THAP1: variants seen among roughly 807,000 people sequenced by gnomAD.
THAP1 encodes the protein THAP domain-containing protein 1.
Under a neutral mutation model 18.2 loss-of-function variants are expected in THAP1, and 6 were observed. The ratio of observed to expected loss-of-function variants is 0.33; its 90% CI spans 0.18 to 0.65. The LOEUF is 0.65. Among genes scored for constraint, THAP1 ranks in the 30% least tolerant of loss-of-function variants. THAP1 has a pLI of 0.74. For missense variants in THAP1, 176 were observed against 253.0 expected, an observed-to-expected ratio of 0.70 and a Z score of 2.06; for synonymous variants, 85 against 90.5, an observed-to-expected ratio of 0.94 and a Z score of 0.34.
intron 2 of THAP1, among the ~76,000 whole-genome samples, chr8:42,838,789 G>A (rs1802663136): frequency 6.6e-6 from 1 of 152,116 alleles, no homozygotes; most frequent in Admixed American, 6.5e-5. Flanking sequence ...TGAGAAAACA[G>A]TTTCAGTTTG....
In THAP1 at chr8:42,843,173, G is replaced by T; in HGVS notation, c.-79C>A. The T allele has an allele frequency of 6.4e-7, 1 of 1,556,388 alleles. No homozygotes were observed. Among genetic ancestry groups the T allele is most frequent in the Non-Finnish European group, 8.9e-7 (1 of 1,129,726 alleles). Reference sequence around the variant, plus strand: ...GTTCTCAGTGTCGCTGCGCTCGGTTGGATTCCCTCGCTTCTTTTGTAGCTT... The same window carrying T: ...GTTCTCAGTGTCGCTGCGCTCGGTTTGATTCCCTCGCTTCTTTTGTAGCTT... On this transcript the variant is annotated 5_prime_UTR_variant, in exon 1 of 3. Transcript: ENST00000254250.
intron 2 of THAP1, among the ~76,000 whole-genome samples, chr8:42,838,607 A>G (rs765646817): frequency 6.6e-6 from 1 of 152,106 alleles, no homozygotes; most frequent in Non-Finnish European, 1.5e-5. Context: ...GAATTGCTTG[A>G]AACTGGGAGG....
intron 1 of THAP1, among the ~76,000 whole-genome samples, chr8:42,839,827 G>A (rs1563645033): frequency 6.6e-6 from 1 of 152,192 alleles, no homozygotes; most frequent in Non-Finnish European, 1.5e-5. Flanking sequence ...TTACATGCGT[G>A]AGCCACTGTG....
intron 1 of THAP1, 25 bp downstream of exon 1, chr8:42,842,999 C>G (rs1349444170): frequency 1.1e-5 from 17 of 1,601,898 alleles, no homozygotes; most frequent in Non-Finnish European, 1.4e-5. Flanking sequence ...TGAGACCGGC[C>G]CCGCGAGGCG....
Position 42,837,732 on chromosome 8 carries a change from CTGAGG to C in THAP1, c.*225_*229del. ...CTTGAAACCAACTTACATTAGAGGTCTGAGGTTAGTTTATAACTTTTAAAATATTT... is the reference window on the plus strand; with the variant it reads ...CTTGAAACCAACTTACATTAGAGGTCTTAGTTTATAACTTTTAAAATATTT... On this transcript the variant is annotated 3_prime_UTR_variant, in exon 3 of 3. Coordinates refer to ENST00000254250, the MANE Select transcript of THAP1 (RefSeq NM_018105.3). 9.6e-6 allele frequency: 3 copies of C among 313,154 alleles called. No homozygotes were observed. Among genetic ancestry groups the C allele is most frequent in the Non-Finnish European group, 1.1e-5 (2 of 180,888 alleles). The allele number at this position is 313,154 out of a possible 1,614,324, so 19.4% of individuals were successfully genotyped here.
At chr8:42,842,096 G>T (rs1282454746) in intron 1 of THAP1, among the ~76,000 whole-genome samples, 1 of 152,076 alleles carries the variant, frequency 6.6e-6, no homozygotes, top group East Asian at 1.9e-4. Flanking sequence ...TTTACCCCTG[G>T]ATCTGATTTC....
chr8:42,839,736 G>A (rs984184388), intron 1 of THAP1, among the ~76,000 whole-genome samples: 7 of 152,094 alleles, frequency 4.6e-5, no homozygotes, highest in African/African-American at 1.4e-4. Context: ...TAGTAGAGAT[G>A]GGCTTTCACC....
At chr8:42,840,756 C>T (rs1294157684) in intron 1 of THAP1, among the ~76,000 whole-genome samples, 1 of 152,086 alleles carries the variant, frequency 6.6e-6, no homozygotes, top group East Asian at 1.9e-4. Flanking sequence ...ATCAGGAGGT[C>T]GAAGTATGGA....
rs775435611 is a variant in THAP1, at chr8:42,841,294, CTTT to C, written c.71+1727_71+1729del. On this transcript the variant is annotated intron_variant, in intron 1 of 2. Coordinates refer to ENST00000254250, the MANE Select transcript of THAP1 (RefSeq NM_018105.3). ...TAACATCTAGCAGAAACAGTTGTAT[CTTT>C]TTTTTTTTTTTTTTTTTTTTTTGAG... 1.7e-3 allele frequency among the ~76,000 whole-genome samples: 163 copies of C among 95,910 alleles called. 1 individual carries two copies. Among genetic ancestry groups the C allele is most frequent in the Non-Finnish European group, 2.1e-3 (109 of 52,350 alleles). 62.9% of individuals were successfully genotyped at this position (95,910 alleles called of 152,430 possible). A position where few individuals can be genotyped will look rare whatever the true frequency, so the allele number is the denominator to read the frequency against.
In THAP1 at chr8:42,838,331, T is replaced by A. The variant is rs1173341024; in HGVS notation, c.273A>T (p.Glu91Asp). ...GCTGTTCCTGTGGCTCCAGAAGATC[T>A]TCTTTCTAAAACAAAAATACAAAGT... ...FLCTEPHDKK[E>D]DLLEPQEQLP... Residue 91 changes from glutamate (E) to aspartate (D), a missense_variant, in exon 3 of 3, where the codon GAA becomes GAT. Transcript: ENST00000254250. The A allele has an allele frequency of 2.5e-6, 4 of 1,613,624 alleles. No individual in the cohort carries two copies. The African/African-American group carries it at 4.0e-5, about 16-fold the overall frequency.
Position 42,837,003 on chromosome 8 carries a change from AAAGTG to A in THAP1, c.*954_*958del, listed in dbSNP as rs1327653989. 1 of 152,242 alleles carries A rather than the reference AAAGTG, an allele frequency of 6.6e-6. No individual in the cohort carries two copies. Among genetic ancestry groups the A allele is most frequent in the African/African-American group, 2.4e-5 (1 of 41,458 alleles). The allele number at this position is 152,242 out of a possible 1,614,324, so 9.4% of individuals were successfully genotyped here. A position where few individuals can be genotyped will look rare whatever the true frequency, so the allele number is the denominator to read the frequency against. ...GGGATATAATTTCTAACTTGTGTTA[AAAGTG>A]AAGAAATAATTTTTTATGTGAAGCC... is the stretch of plus-strand genomic sequence containing the variant. On this transcript the variant is annotated 3_prime_UTR_variant, in exon 3 of 3. Coordinates refer to ENST00000254250, the MANE Select transcript of THAP1 (RefSeq NM_018105.3).
chr8:42,839,994 C>A (rs548826067), intron 1 of THAP1, among the ~76,000 whole-genome samples: 10 of 152,056 alleles, frequency 6.6e-5, no homozygotes, highest in Admixed American at 2.0e-4. Context: ...TCCAAGAGTT[C>A]GAGACTAGCC....
chr8:42,843,125 C>G lies in THAP1; in HGVS notation c.-31G>C, dbSNP rs371606502. 4.2e-5 allele frequency: 67 copies of G among 1,611,084 alleles called. No individual in the cohort carries two copies. Among genetic ancestry groups the G allele is most frequent in the Non-Finnish European group, 5.0e-5 (59 of 1,177,646 alleles). On this transcript the variant is annotated 5_prime_UTR_variant, in exon 1 of 3. Coordinates refer to ENST00000254250, the MANE Select transcript of THAP1 (RefSeq NM_018105.3). ...CGGTCCTCAGGCACTTCACTTCTGC[C>G]GCCGCAGAAGGCAGGGGAAGCTGTT...
chr8:42,841,903 T>C (rs1666395846), intron 1 of THAP1, among the ~76,000 whole-genome samples: 1 of 152,200 alleles, frequency 6.6e-6, no homozygotes, highest in African/African-American at 2.4e-5. Flanking sequence ...CTTATTTCTA[T>C]AGGGTCCATC....
intron 1 of THAP1, among the ~76,000 whole-genome samples, chr8:42,841,141 G>A (rs938234845): frequency 6.6e-6 from 1 of 151,842 alleles, no homozygotes; most frequent in Non-Finnish European, 1.5e-5. Context: ...CTGGCTCAAG[G>A]ACAACAAATT....
In THAP1 at chr8:42,843,256, G is replaced by A; in HGVS notation, c.-162C>T. 2 of 813,522 alleles carry A rather than the reference G, an allele frequency of 2.5e-6. No homozygotes were observed. Among genetic ancestry groups the A allele is most frequent in the East Asian group, 5.4e-5 (2 of 37,014 alleles). The allele number at this position is 813,522 out of a possible 1,614,324, so 50.4% of individuals were successfully genotyped here. A position where few individuals can be genotyped will look rare whatever the true frequency, so the allele number is the denominator to read the frequency against. ...CGGGGGTGACTAGTGTGCCCGTTTT[G>A]TTGTTTGCATTAGCAGAAGGACCAC... On this transcript the variant is annotated 5_prime_UTR_variant, in exon 1 of 3. Coordinates refer to ENST00000254250, the MANE Select transcript of THAP1 (RefSeq NM_018105.3).
At chr8:42,839,447 T>C in intron 1 of THAP1, 66 bp from the exon 2 acceptor site, 1 of 1,531,556 alleles carries the variant, frequency 6.5e-7, no homozygotes, top group South Asian at 1.1e-5. Context: ...ACCCAAACTT[T>C]CCAGCTTAGG....
rs773643417 is a variant in THAP1, at chr8:42,843,139, G to A, written c.-45C>T. 1.9e-6 allele frequency: 3 copies of A among 1,608,784 alleles called. No homozygotes were observed. The highest frequency in any genetic ancestry group is 1.7e-5 in the Admixed American group (1 of 59,984). ...TTCACTTCTGCCGCCGCAGAAGGCA[G>A]GGGAAGCTGTTCTCAGTGTCGCTGC... is the stretch of plus-strand genomic sequence containing the variant. On this transcript the variant is annotated 5_prime_UTR_variant, in exon 1 of 3. Coordinates refer to ENST00000254250, the MANE Select transcript of THAP1 (RefSeq NM_018105.3).
rs886062946 is a variant in THAP1, at chr8:42,837,681, TA to T, written c.*280del. ...ATTTTTACATTATTTCTATAAATAC[TA>T]AAAAAAAACCCCAAAATCCCCAATC... On this transcript the variant is annotated 3_prime_UTR_variant, in exon 3 of 3. Coordinates refer to ENST00000254250, the MANE Select transcript of THAP1 (RefSeq NM_018105.3). 47 of 209,572 alleles carry T rather than the reference TA, an allele frequency of 2.2e-4. No homozygotes were observed. The highest frequency in any genetic ancestry group is 3.2e-4 in the South Asian group (2 of 6,284). The allele number at this position is 209,572 out of a possible 1,614,324, so 13.0% of individuals were successfully genotyped here. A position where few individuals can be genotyped will look rare whatever the true frequency, so the allele number is the denominator to read the frequency against.
Sources: allele counts gnomAD v4.1 joint callset (sites outside exome capture counted in the v4.1 genomes callset), GRCh38; gene constraint gnomAD v4.1.1; transcripts MANE v1.5; gene names NCBI Gene and HGNC (gene_info 2026-07-23, HGNC 2026-07-21).